CNOT11: variants seen among roughly 807,000 people sequenced by gnomAD.
CNOT11 encodes the protein CCR4-NOT transcription complex subunit 11, also known as UPF0760 protein C2orf29.
A neutral mutation model predicts 44.6 loss-of-function variants in CNOT11; 18 were observed. The observed-to-expected ratio is 0.40, with a 90% CI of 0.28 to 0.60. The LOEUF (loss-of-function observed/expected upper bound fraction) is 0.60, where lower values mean the gene tolerates loss of function less well. Ranked by LOEUF, CNOT11 falls within the 20% of genes least tolerant of loss-of-function variation. CNOT11 has a pLI of 0.38. For missense variants in CNOT11, 513 were observed against 677.0 expected, an observed-to-expected ratio of 0.76 and a Z score of 2.69; for synonymous variants, 291 against 270.9, an observed-to-expected ratio of 1.07 and a Z score of -0.73.
intron 1 of CNOT11, among the ~76,000 whole-genome samples, chr2:101,255,050 T>C (rs369762014): frequency 2.8e-4 from 42 of 152,336 alleles, no homozygotes; most frequent in African/African-American, 8.4e-4. Context: ...GACCGCATTA[T>C]ACACACAGAT....
chr2:101,256,917 C>T (rs112382538), intron 1 of CNOT11, among the ~76,000 whole-genome samples: 6 of 152,032 alleles, frequency 3.9e-5, no homozygotes, highest in East Asian at 1.9e-4. Context: ...GGCGTGGTGG[C>T]GGGCGCCTGT....
At chr2:101,258,013 TGAG>T (rs1306080363) in intron 2 of CNOT11, 58 bp downstream of exon 2, 24 of 1,485,574 alleles carry the variant, frequency 1.6e-5, no homozygotes, top group Non-Finnish European at 1.8e-6. Context: ...CCTCTCTTGT[TGAG>T]GACTCTACTA....
At chr2:101,254,093 G>A (rs761538109) in intron 1 of CNOT11, among the ~76,000 whole-genome samples, 27 of 152,190 alleles carry the variant, frequency 1.8e-4, no homozygotes, top group Non-Finnish European at 3.5e-4. Flanking sequence ...GCATTGGTGA[G>A]ATCAAACTAG....
chr2:101,263,471 C>T (rs2104367361), intron 3 of CNOT11, among the ~76,000 whole-genome samples: 1 of 152,204 alleles, frequency 6.6e-6, no homozygotes, highest in East Asian at 1.9e-4. Context: ...GGACTCAATC[C>T]CTTGAGGCTC....
intron 4 of CNOT11, among the ~76,000 whole-genome samples, chr2:101,266,040 A>G (rs1681973887): frequency 6.6e-6 from 1 of 152,244 alleles, no homozygotes; most frequent in South Asian, 2.1e-4. Context: ...ACTGTGGAAC[A>G]TATTAAGTAG....
At chr2:101,257,433 A>G (rs531605957) in intron 1 of CNOT11, among the ~76,000 whole-genome samples, 1 of 151,392 alleles carries the variant, frequency 6.6e-6, no homozygotes, top group Non-Finnish European at 1.5e-5. Context: ...CTTGGCAGTC[A>G]AAGACAGATT....
At chr2:101,261,886 G>A (rs190223210) in intron 2 of CNOT11, among the ~76,000 whole-genome samples, 7 of 121,958 alleles carry the variant, frequency 5.7e-5, no homozygotes, top group Admixed American at 3.5e-4. Flanking sequence ...TCGCTCTGTC[G>A]CCCAGGCTGG....
intron 2 of CNOT11, among the ~76,000 whole-genome samples, chr2:101,258,824 A>AG (rs1276522596): frequency 2.0e-5 from 3 of 151,922 alleles, no homozygotes; most frequent in African/African-American, 7.3e-5. Flanking sequence ...AAAAAAAAAA[A>AG]AAAAAAGAAA....
Position 101,252,928 on chromosome 2 carries a change from C to T in CNOT11, c.-37C>T, listed in dbSNP as rs1573194671. The T allele has an allele frequency of 2.9e-6, 4 of 1,401,708 alleles. No homozygotes were observed. The highest frequency in any genetic ancestry group is 3.1e-5 in the South Asian group (2 of 64,492). 86.8% of individuals were successfully genotyped at this position (1,401,708 alleles called of 1,614,324 possible). On this transcript the variant is annotated 5_prime_UTR_variant, in exon 1 of 7. Coordinates refer to ENST00000289382, the MANE Select transcript of CNOT11 (RefSeq NM_017546.5). ...GGACGGAGCGAGCCGGCGCCAGGGCCCCTCGGGCCGGGAAGAGGGGAAGGG... is the reference window on the plus strand; with the variant it reads ...GGACGGAGCGAGCCGGCGCCAGGGCTCCTCGGGCCGGGAAGAGGGGAAGGG...
chr2:101,256,500 G>T (rs1445668353), intron 1 of CNOT11, among the ~76,000 whole-genome samples: 2 of 152,124 alleles, frequency 1.3e-5, no homozygotes, highest in African/African-American at 4.8e-5. Flanking sequence ...TCTGCAGTGG[G>T]AGAGATGAGG....
Position 101,253,165 on chromosome 2 carries a change from G to A in CNOT11, c.201G>A (p.Glu67=). The A allele has an allele frequency of 6.3e-7, 1 of 1,592,194 alleles. No homozygotes were observed. The highest frequency in any genetic ancestry group is 8.5e-7 in the Non-Finnish European group (1 of 1,171,582). Residue 67 remains glutamate, a synonymous_variant, in exon 1 of 7, where the codon GAG becomes GAA. Transcript: ENST00000289382. The surrounding 1 kb of genome is among the most constrained non-coding windows in gnomAD (Gnocchi z 4.3). ...PAGRMSLTPK[E]LSSLLSIISE... ...GCAGGATGAGCTTGACCCCGAAGGA[G>A]CTCTCGAGCCTGCTGAGCATCATAT... is the stretch of plus-strand genomic sequence containing the variant.
At chr2:101,260,960 G>A (rs1439108405) in intron 2 of CNOT11, among the ~76,000 whole-genome samples, 3 of 151,974 alleles carry the variant, frequency 2.0e-5, no homozygotes, top group African/African-American at 7.3e-5. Context: ...GAGAAAAGAT[G>A]CTATATGTCT....
At position 101,257,774 on chromosome 2, in the gene CNOT11, T is replaced by C. The variant is rs753323271; in HGVS notation, c.515-17T>C. 1.9e-6 allele frequency: 3 copies of C among 1,598,626 alleles called. No homozygotes were observed. Among genetic ancestry groups the C allele is most frequent in the Non-Finnish European group, 2.6e-6 (3 of 1,170,390 alleles). On this transcript the variant is annotated splice_polypyrimidine_tract_variant and intron_variant, in intron 1 of 6. Transcript: ENST00000289382. The stretch of plus-strand genomic sequence containing the variant: ...AAAGTAACCATTGGAGAAATCGTTA[T>C]ACATTTTTGTTTGCAGGATTTTTAC...
chr2:101,255,653 T>C (rs1184709435), intron 1 of CNOT11, among the ~76,000 whole-genome samples: 1 of 152,146 alleles, frequency 6.6e-6, no homozygotes, highest in Non-Finnish European at 1.5e-5. Flanking sequence ...ATTTAGTGGG[T>C]ATGTCTTCAG....
chr2:101,253,407 G>C lies in CNOT11; in HGVS notation c.443G>C (p.Ser148Thr), dbSNP rs775494491. Residue 148 changes from serine to threonine, a missense_variant, in exon 1 of 7, where the codon AGC (serine) becomes ACC (threonine). Ser to Thr is a moderately conservative substitution (Grantham distance 58). This residue lies in a region of CNOT11 where 259 missense variants were observed against 265.7 expected (regional missense o/e 0.97). Transcript: ENST00000289382. This position sits in a 1 kb window ranked among gnomAD's most constrained non-coding sequence, Gnocchi z 4.3. ...EPLAANPFAA[S>T]FAHLLNPAPP... ...CTGGCCGCCAACCCCTTCGCCGCCA[G>C]CTTCGCGCACCTGCTCAACCCCGCG... 2 of 1,587,554 alleles carry C rather than the reference G, an allele frequency of 1.3e-6. No individual in the cohort carries two copies. The highest frequency in any genetic ancestry group is 2.2e-5 in the South Asian group (2 of 89,568).
intron 2 of CNOT11, among the ~76,000 whole-genome samples, chr2:101,259,336 T>G (rs1279971861): frequency 6.6e-6 from 1 of 152,230 alleles, no homozygotes; most frequent in Non-Finnish European, 1.5e-5. Flanking sequence ...TTCAACTTTG[T>G]TCTCGTTCAG....
In CNOT11 at chr2:101,253,216, C is replaced by T. The variant is rs1276949276; in HGVS notation, c.252C>T (p.Thr84=). Residue 84 remains threonine, a synonymous_variant, in exon 1 of 7, where the codon ACC becomes ACT. Coordinates refer to ENST00000289382, the MANE Select transcript of CNOT11 (RefSeq NM_017546.5). This position sits in a 1 kb window ranked among gnomAD's most constrained non-coding sequence, Gnocchi z 4.3. ...IISEEAGGGS[T]FEGLSTAFHH... is the part of the protein sequence containing the mutation. ...CGGAGGAGGCGGGCGGCGGCAGCAC[C>T]TTCGAGGGCCTGTCCACCGCCTTCC... is the stretch of plus-strand genomic sequence containing the variant. The T allele has an allele frequency of 1.2e-6, 2 of 1,607,700 alleles. No individual in the cohort carries two copies. Among genetic ancestry groups the T allele is most frequent in the Admixed American group, 1.7e-5 (1 of 59,656 alleles).
intron 2 of CNOT11, chr2:101,262,333 G>A (rs537613310): frequency 2.0e-5 from 10 of 506,692 alleles, no homozygotes; most frequent in Admixed American, 1.0e-4. Flanking sequence ...TTTGTTACAC[G>A]TCACTTCACT....
chr2:101,256,917 C>G lies in CNOT11; in HGVS notation c.515-874C>G, dbSNP rs112382538. 4.8e-3 allele frequency among the ~76,000 whole-genome samples: 731 copies of G among 152,030 alleles called. 10 individuals carry two copies. The highest frequency in any genetic ancestry group is 0.017 in the African/African-American group (691 of 41,458). ...ACAAAAAATTACCTGGGCGTGGTGGCGGGCGCCTGTAGTCCCAGCTACTCG... is the reference window on the plus strand; with the variant it reads ...ACAAAAAATTACCTGGGCGTGGTGGGGGGCGCCTGTAGTCCCAGCTACTCG... On this transcript the variant is annotated intron_variant, in intron 1 of 6. Transcript: ENST00000289382.
Sources: allele counts gnomAD v4.1 joint callset (sites outside exome capture counted in the v4.1 genomes callset), GRCh38; gene constraint gnomAD v4.1.1; regional missense constraint gnomAD v4.1.1; non-coding constraint Gnocchi (gnomAD v3.1); transcripts MANE v1.5; gene names NCBI Gene and HGNC (gene_info 2026-07-23, HGNC 2026-07-21).